Variants in SRPK1 observed in about 807,000 individuals in gnomAD.
SRPK1 encodes SFRS protein kinase 1.
A neutral mutation model predicts 89.5 loss-of-function variants in SRPK1; 52 were observed. That is an observed-to-expected ratio of 0.58 (90% CI 0.46 to 0.73). The LOEUF (loss-of-function observed/expected upper bound fraction) is 0.73, where lower values mean the gene tolerates loss of function less well. Among genes scored for constraint, SRPK1 ranks in the 30% least tolerant of loss-of-function variants. The pLI, the probability that SRPK1 is intolerant of heterozygous loss-of-function variation, is 0.00. For synonymous variants in SRPK1, 255 were observed against 270.2 expected (o/e 0.94, Z 0.55); for missense variants, 603 against 780.6 (o/e 0.77, Z 2.71).
intron 2 of SRPK1, among the ~76,000 whole-genome samples, chr6:35,908,250 G>C (rs1373515106): frequency 6.6e-6 from 1 of 152,222 alleles, no homozygotes; most frequent in East Asian, 1.9e-4. Flanking sequence ...GAACAGTTTG[G>C]AGGAGGGCTC....
chr6:35,886,448 TCTTTA>T (rs1376553073), intron 6 of SRPK1, among the ~76,000 whole-genome samples: 1 of 152,166 alleles, frequency 6.6e-6, no homozygotes, highest in African/African-American at 2.4e-5. Flanking sequence ...AATCATAGAC[TCTTTA>T]CTTAGTGATA....
At chr6:35,915,997 T>TATATACACAC (rs1284737691) in intron 2 of SRPK1, among the ~76,000 whole-genome samples, 5 of 90,230 alleles carry the variant, frequency 5.5e-5, no homozygotes, top group African/African-American at 1.7e-4. Flanking sequence ...AAAAAATATA[T>TATATACACAC]ACACACACAC....
intron 13 of SRPK1, among the ~76,000 whole-genome samples, chr6:35,846,649 T>C (rs1769432686): frequency 6.6e-6 from 1 of 151,500 alleles, no homozygotes; most frequent in South Asian, 2.1e-4. Context: ...GATAAGAGAC[T>C]ACTATGCACA....
intron 2 of SRPK1, among the ~76,000 whole-genome samples, chr6:35,918,630 A>G (rs994802465): frequency 6.6e-6 from 1 of 152,238 alleles, no homozygotes; most frequent in Non-Finnish European, 1.5e-5. Flanking sequence ...TCATTCACGC[A>G]TATTTTCAGG....
intron 2 of SRPK1, among the ~76,000 whole-genome samples, chr6:35,916,101 G>A (rs568704883): frequency 3.5e-5 from 5 of 142,466 alleles, no homozygotes; most frequent in African/African-American, 7.5e-5. Flanking sequence ...GTATGTGCCT[G>A]TAATCCCAGC....
chr6:35,905,860 T>C (rs1770837684), intron 2 of SRPK1, among the ~76,000 whole-genome samples: 1 of 152,194 alleles, frequency 6.6e-6, no homozygotes, highest in Non-Finnish European at 1.5e-5. Context: ...TGTTTAAGTA[T>C]AACATGAACT....
chr6:35,881,277 GTAAA>G (rs1315047211), intron 6 of SRPK1, among the ~76,000 whole-genome samples: 5 of 151,930 alleles, frequency 3.3e-5, no homozygotes, highest in Non-Finnish European at 7.4e-5. Context: ...ATCAATGAAG[GTAAA>G]TACTTGAGCA....
chr6:35,878,678 C>A (rs1453406927), intron 6 of SRPK1, among the ~76,000 whole-genome samples: 1 of 152,206 alleles, frequency 6.6e-6, no homozygotes, highest in Non-Finnish European at 1.5e-5. Context: ...TAACCCCCCT[C>A]CATTGTTTTA....
chr6:35,838,243 G>C lies in SRPK1; in HGVS notation c.1783+94C>G, dbSNP rs569561045. 9 of 835,154 alleles carry C rather than the reference G, an allele frequency of 1.1e-5. No individual in the cohort carries two copies. The South Asian group carries it at 2.0e-4, about 19-fold the overall frequency. The allele number at this position is 835,154 out of a possible 1,614,324, so 51.7% of individuals were successfully genotyped here. Reference sequence around the variant, plus strand: ...AGTCACAGGTTAGCATTCAAGGCAGGCCCATCATTCTGTAGGACATTGGGA... The same window carrying C: ...AGTCACAGGTTAGCATTCAAGGCAGCCCCATCATTCTGTAGGACATTGGGA... On this transcript the variant is annotated intron_variant, in intron 15 of 15. Coordinates refer to ENST00000373825, the MANE Select transcript of SRPK1 (RefSeq NM_003137.5).
chr6:35,889,236 A>G (rs1156880862), intron 3 of SRPK1, among the ~76,000 whole-genome samples: 1 of 152,192 alleles, frequency 6.6e-6, no homozygotes, highest in East Asian at 1.9e-4. Context: ...GGTTTATCTA[A>G]ACATATATAT....
At chr6:35,867,925 G>A (rs545204880) in intron 12 of SRPK1, among the ~76,000 whole-genome samples, 1 of 152,230 alleles carries the variant, frequency 6.6e-6, no homozygotes, top group Admixed American at 6.5e-5. Context: ...GATCATACAA[G>A]AAAATACTTT....
chr6:35,873,990 G>T (rs753637932), intron 7 of SRPK1, among the ~76,000 whole-genome samples: 1 of 151,384 alleles, frequency 6.6e-6, no homozygotes, highest in Admixed American at 6.6e-5. Context: ...AAGACACCCG[G>T]CTAACTTTTT....
chr6:35,850,812 G>A (rs898876279), intron 13 of SRPK1, among the ~76,000 whole-genome samples: 1 of 152,170 alleles, frequency 6.6e-6, no homozygotes, highest in Non-Finnish European at 1.5e-5. Flanking sequence ...GTGATAAAGT[G>A]GGGGTTATTT....
intron 3 of SRPK1, among the ~76,000 whole-genome samples, chr6:35,890,449 G>A (rs560586874): frequency 6.6e-6 from 1 of 152,282 alleles, no homozygotes; most frequent in Admixed American, 6.5e-5. Context: ...GTCTCATCAA[G>A]AAACAGAAAA....
chr6:35,862,361 C>A (rs1247281987), intron 12 of SRPK1, among the ~76,000 whole-genome samples: 2 of 152,160 alleles, frequency 1.3e-5, no homozygotes, highest in Admixed American at 6.5e-5. Flanking sequence ...TCACCACAAC[C>A]TAAACTGTAC....
rs545555860 is a variant in SRPK1, at chr6:35,913,969, C to CTTTTTTTTTT, written c.74+6489_74+6498dup. On this transcript the variant is annotated intron_variant, in intron 2 of 15. Transcript: ENST00000373825. ...TGCCGCACAACAAAGGATACTTTCTCTTTTTTTTTTTTTTTTTTTTTTTGA... is the reference window on the plus strand; with the variant it reads ...TGCCGCACAACAAAGGATACTTTCTCTTTTTTTTTTTTTTTTTTTTTTTTTTTTTTTTTGA... 5.6e-4 allele frequency among the ~76,000 whole-genome samples: 52 copies of CTTTTTTTTTT among 92,938 alleles called. 1 individual carries two copies. The highest frequency in any genetic ancestry group is 7.0e-4 in the Admixed American group (5 of 7,190). 61.0% of individuals were successfully genotyped at this position (92,938 alleles called of 152,430 possible). A position where few individuals can be genotyped will look rare whatever the true frequency, so the allele number is the denominator to read the frequency against.
At chr6:35,892,540 T>C (rs1770539700) in intron 2 of SRPK1, among the ~76,000 whole-genome samples, 1 of 151,956 alleles carries the variant, frequency 6.6e-6, no homozygotes, top group Non-Finnish European at 1.5e-5. Context: ...TAATCCCAGC[T>C]ACTTGGGAGG....
At position 35,897,574 on chromosome 6, in the gene SRPK1, G is replaced by A. The variant is rs147188820; in HGVS notation, c.75-6561C>T. Among the ~76,000 whole-genome samples the A allele has an allele frequency of 2.4e-3, 365 of 152,296 alleles. 5 individuals are homozygous for A. Among genetic ancestry groups the A allele is most frequent in the Middle Eastern group, 0.017 (5 of 294 alleles). Reference sequence around the variant, plus strand: ...CTACCGCCCAGGCTGCAGTGCAGTGGTGCTATCACGGCTCCCTCCAGCCTT... The same window carrying A: ...CTACCGCCCAGGCTGCAGTGCAGTGATGCTATCACGGCTCCCTCCAGCCTT... On this transcript the variant is annotated intron_variant, in intron 2 of 15. Transcript: ENST00000373825.
At chr6:35,895,545 C>T (rs1770612059) in intron 2 of SRPK1, 1 of 152,078 alleles carries the variant, frequency 6.6e-6, no homozygotes. Flanking sequence ...CTTTAGGCCT[C>T]AAAAGCAGGC....
Sources: gnomAD v4.1 joint callset for allele counts (sites outside exome capture counted in the v4.1 genomes callset) on GRCh38, gnomAD v4.1.1 for gene constraint, MANE v1.5 for transcripts, NCBI Gene and HGNC (gene_info 2026-07-23, HGNC 2026-07-21) for gene names.